The following DYNC1I1 variants were observed in gnomAD, a reference collection of about 807,000 sequenced individuals.
DYNC1I1 encodes cytoplasmic dynein 1 intermediate chain 1.
In DYNC1I1, 43 loss-of-function variants were observed where a neutral mutation model predicts 86.6. The ratio of observed to expected loss-of-function variants is 0.50; its 90% confidence interval spans 0.39 to 0.64. DYNC1I1 has a LOEUF of 0.64. Among genes scored for constraint, DYNC1I1 ranks in the 30% least tolerant of loss-of-function variants. The pLI, the probability that DYNC1I1 is intolerant of heterozygous loss-of-function variation, is 0.00. For missense variants in DYNC1I1, 604 were observed against 788.8 expected (o/e 0.77, Z 2.81); for synonymous variants, 262 against 283.7 (o/e 0.92, Z 0.77).
chr7:95,980,964 A>G (rs1362642967), intron 7 of DYNC1I1, among the ~76,000 whole-genome samples: 1 of 152,150 alleles, frequency 6.6e-6, no homozygotes, highest in East Asian at 1.9e-4. Context: ...TTCCCATGAG[A>G]GCCACTGTCC....
intron 5 of DYNC1I1, among the ~76,000 whole-genome samples, chr7:95,868,178 C>T (rs913650400): frequency 1.3e-5 from 2 of 152,202 alleles, no homozygotes; most frequent in African/African-American, 4.8e-5. Flanking sequence ...TGGTTCAGGC[C>T]TGCGTGGAGC....
intron 6 of DYNC1I1, among the ~76,000 whole-genome samples, chr7:95,912,329 G>T (rs1473759043): frequency 6.6e-6 from 1 of 152,190 alleles, no homozygotes; most frequent in Non-Finnish European, 1.5e-5. Flanking sequence ...GAGCCATCAT[G>T]CCTGGCCCAC....
chr7:95,836,596 C>G (rs1199666369), intron 5 of DYNC1I1, among the ~76,000 whole-genome samples: 1 of 150,742 alleles, frequency 6.6e-6, no homozygotes, highest in Non-Finnish European at 1.5e-5. Context: ...CCGTCACCTT[C>G]AGGTACACCA....
chr7:96,079,122 C>A (rs1168186874), intron 15 of DYNC1I1, among the ~76,000 whole-genome samples: 1 of 151,632 alleles, frequency 6.6e-6, no homozygotes, highest in Non-Finnish European at 1.5e-5. Context: ...AACATAGATT[C>A]TTATATATGA....
chr7:96,086,410 C>G (rs188928842), intron 16 of DYNC1I1, among the ~76,000 whole-genome samples: 22 of 152,298 alleles, frequency 1.4e-4, no homozygotes, highest in African/African-American at 5.3e-4. Context: ...GATAAAATTA[C>G]AGAATCATTT....
chr7:96,028,473 A>G, intron 11 of DYNC1I1, 152 bp downstream of exon 11: 1 of 1,074,874 alleles, frequency 9.3e-7, no homozygotes, highest in East Asian at 2.7e-5. Flanking sequence ...AGTTGAGTGA[A>G]AAGTAGATGA....
At chr7:95,828,660 A>G (rs1993915) in intron 5 of DYNC1I1, among the ~76,000 whole-genome samples, 4,973 of 152,310 alleles carry the variant, frequency 0.033, 271 homozygotes, top group African/African-American at 0.11. Flanking sequence ...GATATTTCAA[A>G]TACTAGATGT....
chr7:95,775,786 C>T (rs1793824966), intron 1 of DYNC1I1, among the ~76,000 whole-genome samples: 1 of 152,168 alleles, frequency 6.6e-6, no homozygotes. Flanking sequence ...ATCTTTGTGG[C>T]TTCTGCATCC....
In DYNC1I1 at chr7:95,915,657, C is replaced by A. The variant is rs1405045945; in HGVS notation, c.490+45659C>A. 5.3e-5 allele frequency among the ~76,000 whole-genome samples: 8 copies of A among 152,174 alleles called. 1 individual carries two copies. The East Asian group carries it at 9.6e-4, about 18-fold the overall frequency. ...AGTGCTACTGTCTACAGGACTCTGGCAAATTGCTGTCAAATAAAAGTCATA... is the reference window on the plus strand; with the variant it reads ...AGTGCTACTGTCTACAGGACTCTGGAAAATTGCTGTCAAATAAAAGTCATA... On this transcript the variant is annotated intron_variant, in intron 6 of 16. Coordinates refer to ENST00000447467, the MANE Select transcript of DYNC1I1 (RefSeq NM_001135556.2).
intron 6 of DYNC1I1, among the ~76,000 whole-genome samples, chr7:95,977,066 C>T (rs917328572): frequency 1.3e-5 from 2 of 152,182 alleles, no homozygotes; most frequent in African/African-American, 4.8e-5. Context: ...CTGTATTTAA[C>T]CCTTTCCTGT....
chr7:95,848,396 A>G (rs1789491124), intron 5 of DYNC1I1, among the ~76,000 whole-genome samples: 1 of 151,762 alleles, frequency 6.6e-6, no homozygotes, highest in Non-Finnish European at 1.5e-5. Flanking sequence ...TCCTTCCTCA[A>G]CTGCCCCAGC....
intron 5 of DYNC1I1, among the ~76,000 whole-genome samples, chr7:95,837,304 T>C (rs1374954829): frequency 1.3e-5 from 2 of 152,046 alleles, no homozygotes; most frequent in Non-Finnish European, 2.9e-5. Context: ...AGGGACCCAC[T>C]TGAGGAGGCA....
At chr7:96,059,731 T>G (rs1175818735) in intron 14 of DYNC1I1, among the ~76,000 whole-genome samples, 2 of 152,156 alleles carry the variant, frequency 1.3e-5, no homozygotes, top group Non-Finnish European at 2.9e-5. Context: ...CAAAAGTAGT[T>G]AGCCCTGTGA....
chr7:95,827,160 C>T (rs527544131), intron 4 of DYNC1I1, among the ~76,000 whole-genome samples: 1 of 152,256 alleles, frequency 6.6e-6, no homozygotes, highest in Non-Finnish European at 1.5e-5. Flanking sequence ...ACAGCACGCT[C>T]AATGTCACAC....
rs1290007044 is a variant in DYNC1I1, at chr7:95,854,174, T to G, written c.375-15709T>G. Among the ~76,000 whole-genome samples the G allele has an allele frequency of 2.6e-5, 4 of 152,264 alleles. No individual in the cohort carries two copies. The East Asian group carries it at 7.7e-4, about 29-fold the overall frequency. Reference sequence around the variant, plus strand: ...ATAGATACAAATATTCTACTAACATTTTGTTAATTATTTTTTACTTGTTTT... The same window carrying G: ...ATAGATACAAATATTCTACTAACATGTTGTTAATTATTTTTTACTTGTTTT... On this transcript the variant is annotated intron_variant, in intron 5 of 16. Transcript: ENST00000447467.
At chr7:95,804,861 TGTG>T in intron 2 of DYNC1I1, 24 bp downstream of exon 2, 3 of 1,537,146 alleles carry the variant, frequency 2.0e-6, no homozygotes, top group Non-Finnish European at 2.6e-6. Flanking sequence ...GTTGGGGTGT[TGTG>T]GGGGAAAAAG....
chr7:96,099,295 T>C (rs190395176), downstream of DYNC1I1, among the ~76,000 whole-genome samples: 4 of 152,340 alleles, frequency 2.6e-5, no homozygotes, highest in Admixed American at 2.6e-4. Flanking sequence ...TGGTAGCTGG[T>C]CTCCAAGGCA....
intron 16 of DYNC1I1, among the ~76,000 whole-genome samples, chr7:96,096,527 T>A (rs888830222): frequency 6.6e-6 from 1 of 151,668 alleles, no homozygotes; most frequent in South Asian, 2.1e-4. Context: ...CATCCTCAAA[T>A]TTTTTTTTCT....
intron 6 of DYNC1I1, among the ~76,000 whole-genome samples, chr7:95,957,633 A>G (rs1792752955): frequency 6.6e-6 from 1 of 152,180 alleles, no homozygotes; most frequent in Non-Finnish European, 1.5e-5. Flanking sequence ...ATGATCTTGC[A>G]TGAACTGGAG....
Sources: allele counts gnomAD v4.1 joint callset (sites outside exome capture counted in the v4.1 genomes callset), GRCh38; gene constraint gnomAD v4.1.1; transcripts MANE v1.5; gene names NCBI Gene and HGNC (gene_info 2026-07-23, HGNC 2026-07-21).